NEK11: variants seen among roughly 807,000 people sequenced by gnomAD.
NEK11 encodes the protein NIMA related kinase 11, also known as serine/threonine-protein kinase Nek11.
Under a neutral mutation model 80.7 loss-of-function variants are expected in NEK11, and 72 were observed. That is an observed-to-expected ratio of 0.89 (90% CI 0.74 to 1.08). The LOEUF (loss-of-function observed/expected upper bound fraction) is 1.08, where lower values mean the gene tolerates loss of function less well. Among genes scored for constraint, NEK11 ranks in the 50% least tolerant of loss-of-function variants. The pLI is 0.00. For missense variants in NEK11, 764 were observed against 763.6 expected, an observed-to-expected ratio of 1.00 and a Z score of -0.01; for synonymous variants, 251 against 260.7, an observed-to-expected ratio of 0.96 and a Z score of 0.36.
chr3:131,260,383 T>C (rs940911436), intron 16 of NEK11, among the ~76,000 whole-genome samples: 5 of 152,128 alleles, frequency 3.3e-5, no homozygotes, highest in African/African-American at 9.7e-5. Context: ...AAATTTGACT[T>C]GAGGTGTTCT....
intron 17 of NEK11, among the ~76,000 whole-genome samples, chr3:131,281,222 A>G (rs2108813948): frequency 6.6e-6 from 1 of 152,350 alleles, no homozygotes; most frequent in Admixed American, 6.5e-5. Flanking sequence ...ATTAAAAGCC[A>G]TATTTAATGA....
At chr3:131,203,485 C>T (rs1253665316) in intron 14 of NEK11, among the ~76,000 whole-genome samples, 6 of 149,892 alleles carry the variant, frequency 4.0e-5, no homozygotes, top group Non-Finnish European at 8.9e-5. Context: ...TGTTAAATGA[C>T]AAGTTAATGG....
At chr3:131,071,186 T>C (rs1386010418) in intron 3 of NEK11, among the ~76,000 whole-genome samples, 1 of 152,162 alleles carries the variant, frequency 6.6e-6, no homozygotes, top group African/African-American at 2.4e-5. Context: ...CCACGGGTAA[T>C]TCAGCTTCCA....
chr3:131,248,431 C>A (rs190412412), intron 16 of NEK11, among the ~76,000 whole-genome samples: 1 of 152,106 alleles, frequency 6.6e-6, no homozygotes, highest in East Asian at 1.9e-4. Context: ...AATAGGCATA[C>A]AATACATAAT....
chr3:131,179,912 C>T (rs545093968), intron 14 of NEK11, among the ~76,000 whole-genome samples: 3 of 152,086 alleles, frequency 2.0e-5, no homozygotes, highest in Admixed American at 1.3e-4. Flanking sequence ...TTGTATTGGT[C>T]AGGCTAGGCT....
intron 4 of NEK11, among the ~76,000 whole-genome samples, chr3:131,083,324 T>C (rs776560261): frequency 2.0e-5 from 3 of 151,228 alleles, no homozygotes; most frequent in Non-Finnish European, 4.4e-5. Context: ...TTCAGTGGGC[T>C]GAGCTGCTCT....
At chr3:131,348,632 C>G (rs986349952) in intron 17 of NEK11, among the ~76,000 whole-genome samples, 43 of 150,942 alleles carry the variant, frequency 2.8e-4, no homozygotes, top group African/African-American at 1.0e-3. Context: ...GTTTGTGACC[C>G]TTTCTGGAGA....
At chr3:131,043,275 A>G (rs951629432) in intron 3 of NEK11, among the ~76,000 whole-genome samples, 16 of 152,234 alleles carry the variant, frequency 1.1e-4, no homozygotes, top group Admixed American at 6.5e-5. Flanking sequence ...ACAAATTGAC[A>G]GAAGTATGCT....
intron 3 of NEK11, among the ~76,000 whole-genome samples, chr3:131,074,588 C>T (rs1421837901): frequency 1.3e-5 from 2 of 152,056 alleles, no homozygotes; most frequent in African/African-American, 2.4e-5. Context: ...CTTTCATAGC[C>T]TATTCAGGTA....
intron 7 of NEK11, among the ~76,000 whole-genome samples, chr3:131,142,129 C>T (rs191531319): frequency 1.9e-4 from 29 of 152,308 alleles, no homozygotes; most frequent in Admixed American, 9.2e-4. Flanking sequence ...ATGGACAATA[C>T]AGTGCTAGAG....
intron 14 of NEK11, among the ~76,000 whole-genome samples, chr3:131,226,645 C>T (rs2095207610): frequency 6.6e-6 from 1 of 151,938 alleles, no homozygotes; most frequent in African/African-American, 2.4e-5. Context: ...CAGAGGCATG[C>T]AGAGTGGGAT....
At chr3:131,221,664 T>C (rs2095031217) in intron 14 of NEK11, among the ~76,000 whole-genome samples, 1 of 152,204 alleles carries the variant, frequency 6.6e-6, no homozygotes, top group Non-Finnish European at 1.5e-5. Context: ...GAAAACACTC[T>C]TTTTTAAAAA....
chr3:131,078,272 A>G (rs2074698600), intron 3 of NEK11, among the ~76,000 whole-genome samples: 1 of 152,110 alleles, frequency 6.6e-6, no homozygotes, highest in African/African-American at 2.4e-5. Flanking sequence ...CTTGGATTAG[A>G]AGGTTTTCCT....
At chr3:131,143,382 A>G (rs1314887425) in intron 7 of NEK11, among the ~76,000 whole-genome samples, 1 of 152,116 alleles carries the variant, frequency 6.6e-6, no homozygotes, top group African/African-American at 2.4e-5. Flanking sequence ...TGCTGATACT[A>G]TGCCAGTCAA....
At chr3:131,138,263 T>C (rs1156839902) in intron 7 of NEK11, among the ~76,000 whole-genome samples, 1 of 152,146 alleles carries the variant, frequency 6.6e-6, no homozygotes, top group Non-Finnish European at 1.5e-5. Context: ...GCATCAGTGG[T>C]AGCCTGGGAA....
At chr3:131,222,262 CCTTA>C (rs1465118478) in intron 14 of NEK11, among the ~76,000 whole-genome samples, 12 of 152,110 alleles carry the variant, frequency 7.9e-5, no homozygotes, top group African/African-American at 2.2e-4. Context: ...CTTGTCTGAA[CCTTA>C]CTTTTCCTAT....
intron 4 of NEK11, among the ~76,000 whole-genome samples, chr3:131,081,353 C>T (rs778282730): frequency 2.6e-5 from 4 of 152,144 alleles, no homozygotes; most frequent in Non-Finnish European, 5.9e-5. Context: ...AAGAATTCCT[C>T]ATATTTATCA....
intron 16 of NEK11, among the ~76,000 whole-genome samples, chr3:131,247,420 G>A (rs1669462200): frequency 6.6e-6 from 1 of 152,092 alleles, no homozygotes; most frequent in African/African-American, 2.4e-5. Flanking sequence ...TTGAATATCA[G>A]TTAGCTATAA....
intron 16 of NEK11, among the ~76,000 whole-genome samples, chr3:131,247,282 A>C (rs748135620): frequency 1.3e-5 from 2 of 152,036 alleles, no homozygotes; most frequent in Admixed American, 1.3e-4. Context: ...ATCCATCTTC[A>C]GTTGATTTTT....
Sources: allele counts gnomAD v4.1 joint callset (sites outside exome capture counted in the v4.1 genomes callset), GRCh38; gene constraint gnomAD v4.1.1; transcripts MANE v1.5; gene names NCBI Gene and HGNC (gene_info 2026-07-23, HGNC 2026-07-21).